PCDHGA6: variants seen among roughly 807,000 people sequenced by gnomAD.
The protein encoded by PCDHGA6 is protocadherin gamma-A6.
PCDHGA6 carries 41 observed loss-of-function variants against 60.6 expected under a neutral mutation model. The observed-to-expected ratio is 0.68, with a 90% CI of 0.53 to 0.88. The LOEUF is 0.88. Among genes scored for constraint, PCDHGA6 ranks in the 40% least tolerant of loss-of-function variants. PCDHGA6 has a pLI of 0.00. For synonymous variants in PCDHGA6, 594 were observed against 524.4 expected, an observed-to-expected ratio of 1.13 and a Z score of -1.81; for missense variants, 1,312 against 1,203.0, an observed-to-expected ratio of 1.09 and a Z score of -1.34.
Position 141,375,953 on chromosome 5 carries a change from G to A in PCDHGA6, c.1870G>A (p.Gly624Ser), listed in dbSNP as rs752339386. 1 of 1,613,498 alleles carries A rather than the reference G, an allele frequency of 6.2e-7. No homozygotes were observed. The highest frequency in any genetic ancestry group is 1.3e-5 in the African/African-American group (1 of 75,056). Residue 624 changes from glycine (G) to serine (S), a missense_variant, in exon 1 of 4, where the codon GGC becomes AGC. Transcript: ENST00000517434. Reference protein sequence around the residue: ...PGLFSVGLHTGEVRTARALLD... With the variant: ...PGLFSVGLHTSEVRTARALLD... The stretch of plus-strand genomic sequence containing the variant: ...ACTTTTCTCAGTGGGCCTGCACACG[G>A]GCGAGGTGCGCACGGCGCGCGCCCT...
At position 141,383,693 on chromosome 5, in the gene PCDHGA6, A is replaced by G. The variant is rs771447649; in HGVS notation, c.2424+7186A>G. 6 of 1,613,930 alleles carry G rather than the reference A, an allele frequency of 3.7e-6. No individual in the cohort carries two copies. The African/African-American group carries it at 4.0e-5, about 11-fold the overall frequency. On this transcript the variant is annotated intron_variant, in intron 1 of 3. Coordinates refer to ENST00000517434, the MANE Select transcript of PCDHGA6 (RefSeq NM_018919.3). Reference sequence around the variant, plus strand: ...GTGGGTACAAGACTGCTCACGGTACATGCTATCGACCTGGACGAGGGAGTC... The same window carrying G: ...GTGGGTACAAGACTGCTCACGGTACGTGCTATCGACCTGGACGAGGGAGTC...
intron 1 of PCDHGA6, among the ~76,000 whole-genome samples, chr5:141,492,165 C>T (rs932762928): frequency 1.4e-4 from 22 of 152,210 alleles, no homozygotes; most frequent in African/African-American, 4.8e-4. Context: ...TCCCTATCCC[C>T]GCATCACCCA....
intron 1 of PCDHGA6, chr5:141,405,537 A>G (rs2094682119): frequency 3.1e-6 from 2 of 643,630 alleles, no homozygotes; most frequent in Middle Eastern, 4.2e-4. Context: ...CTCCTGCCTC[A>G]GCCTCCCAAG....
chr5:141,421,307 T>C, intron 1 of PCDHGA6: 10 of 1,613,674 alleles, frequency 6.2e-6, no homozygotes, highest in Non-Finnish European at 8.5e-6. Context: ...CTGCGGGGGT[T>C]CCGGGCCAGG....
intron 1 of PCDHGA6, chr5:141,492,003 T>G: frequency 1.6e-6 from 1 of 626,972 alleles, no homozygotes; most frequent in Non-Finnish European, 2.6e-6. Context: ...TCGGGCGATT[T>G]CCGCGGGTGT....
chr5:141,393,893 T>C (rs761049644), intron 1 of PCDHGA6: 7 of 1,614,034 alleles, frequency 4.3e-6, no homozygotes, highest in Non-Finnish European at 5.1e-6. Flanking sequence ...TAGAAAATTC[T>C]CTTCCCGGGA....
chr5:141,497,596 G>C (rs920597006), intron 2 of PCDHGA6, among the ~76,000 whole-genome samples: 1 of 149,648 alleles, frequency 6.7e-6, no homozygotes, highest in Admixed American at 6.7e-5. Context: ...CTGGAGTGCA[G>C]TGGTGCGATC....
chr5:141,458,350 A>C (rs1259508706), intron 1 of PCDHGA6, among the ~76,000 whole-genome samples: 1 of 152,162 alleles, frequency 6.6e-6, no homozygotes, highest in East Asian at 1.9e-4. Flanking sequence ...GGAGAGTTTA[A>C]TAAGCAAGAA....
At chr5:141,426,174 G>A (rs1213063298) in intron 1 of PCDHGA6, 1 of 155,354 alleles carries the variant, frequency 6.4e-6, no homozygotes, top group Non-Finnish European at 1.4e-5. Flanking sequence ...ACGGATTGGG[G>A]TGCCCTCAAA....
intron 1 of PCDHGA6, chr5:141,478,346 G>A: frequency 6.2e-7 from 1 of 1,613,794 alleles, no homozygotes; most frequent in African/African-American, 1.3e-5. Context: ...CTCCTTGCAC[G>A]CGGACGCCGT....
chr5:141,389,996 C>T, intron 1 of PCDHGA6: 1 of 1,614,022 alleles, frequency 6.2e-7, no homozygotes, highest in Non-Finnish European at 8.5e-7. Context: ...TCCTCGTGGC[C>T]ATGATTCTGG....
At chr5:141,403,314 T>C (rs1178188100) in intron 1 of PCDHGA6, 7 of 1,613,856 alleles carry the variant, frequency 4.3e-6, no homozygotes, top group Non-Finnish European at 5.1e-6. Flanking sequence ...GGAATAGAAA[T>C]AGAAGTAACT....
chr5:141,388,447 G>C (rs775979306), intron 1 of PCDHGA6: 2 of 1,613,802 alleles, frequency 1.2e-6, no homozygotes, highest in Non-Finnish European at 1.7e-6. Flanking sequence ...AAATCAGATG[G>C]CAGTAAATAC....
At position 141,431,052 on chromosome 5, in the gene PCDHGA6, G is replaced by T. The variant is rs148326556; in HGVS notation, c.2424+54545G>T. 7.4e-6 allele frequency: 12 copies of T among 1,614,110 alleles called. No homozygotes were observed. The African/African-American group carries it at 1.6e-4, about 22-fold the overall frequency. On this transcript the variant is annotated intron_variant, in intron 1 of 3. Coordinates refer to ENST00000517434, the MANE Select transcript of PCDHGA6 (RefSeq NM_018919.3). The surrounding 1 kb of genome is among the most constrained non-coding windows in gnomAD (Gnocchi z 4.8). ...ATAGACCGGGAGGAGCTCTGTATGG[G>T]GGCCATCAAGTGTCAATTAAATCTA...
At chr5:141,382,129 C>T (rs1174612163) in intron 1 of PCDHGA6, among the ~76,000 whole-genome samples, 2 of 152,012 alleles carry the variant, frequency 1.3e-5, no homozygotes, top group African/African-American at 2.4e-5. Flanking sequence ...CACCTGGCCC[C>T]CCCTCTCATT....
At chr5:141,422,597 C>T in intron 1 of PCDHGA6, 1 of 1,614,102 alleles carries the variant, frequency 6.2e-7, no homozygotes, top group Non-Finnish European at 8.5e-7. Context: ...CCTCACTCCT[C>T]TTACTCTGCC....
chr5:141,465,697 T>C (rs1386528821), intron 1 of PCDHGA6, among the ~76,000 whole-genome samples: 2 of 152,200 alleles, frequency 1.3e-5, no homozygotes, highest in African/African-American at 4.8e-5. Context: ...TGCTTTTGCA[T>C]TGGTCAAATG....
chr5:141,439,965 T>C (rs1212358198), intron 1 of PCDHGA6: 1 of 152,760 alleles, frequency 6.5e-6, no homozygotes, highest in Non-Finnish European at 1.5e-5. Flanking sequence ...CGTTATTCAG[T>C]CCTAGAGGAG....
At chr5:141,425,018 T>C (rs2096853023) in intron 1 of PCDHGA6, among the ~76,000 whole-genome samples, 1 of 152,224 alleles carries the variant, frequency 6.6e-6, no homozygotes, top group Non-Finnish European at 1.5e-5. Context: ...TTTAGGAATT[T>C]ACCTTATGTC....
Sources: gnomAD v4.1 joint callset for allele counts (sites outside exome capture counted in the v4.1 genomes callset) on GRCh38, gnomAD v4.1.1 for gene constraint, Gnocchi (gnomAD v3.1) non-coding constraint, MANE v1.5 for transcripts, NCBI Gene and HGNC (gene_info 2026-07-23, HGNC 2026-07-21) for gene names.